The following EPHA7 variants were observed in gnomAD, a reference collection of about 807,000 sequenced individuals.
The protein encoded by EPHA7 is EPH receptor A7, also known as ephrin type-A receptor 7.
In EPHA7, 25 loss-of-function variants were observed where a neutral mutation model predicts 112.6. The observed-to-expected ratio is 0.22, with a 90% CI of 0.16 to 0.31. The LOEUF is 0.31. Ranked by LOEUF, EPHA7 falls within the 10% of genes least tolerant of loss-of-function variation. EPHA7 has a pLI of 1.00. For missense variants in EPHA7, 962 were observed against 1,212.6 expected, an observed-to-expected ratio of 0.79 and a Z score of 3.07; for synonymous variants, 437 against 406.5, an observed-to-expected ratio of 1.07 and a Z score of -0.90.
intron 5 of EPHA7, among the ~76,000 whole-genome samples, chr6:93,301,548 G>C (rs559400943): frequency 6.6e-6 from 1 of 151,928 alleles, no homozygotes; most frequent in Admixed American, 6.6e-5. Context: ...ATTTAATAGC[G>C]ATTTTTTTAC....
chr6:93,371,119 G>A (rs1329092918), intron 3 of EPHA7, among the ~76,000 whole-genome samples: 3 of 151,002 alleles, frequency 2.0e-5, no homozygotes, highest in Non-Finnish European at 4.4e-5. Context: ...AGCCCAGATC[G>A]CGCCACTGCA....
At chr6:93,401,864 ATAT>A (rs1212699701) in intron 3 of EPHA7, among the ~76,000 whole-genome samples, 1 of 152,006 alleles carries the variant, frequency 6.6e-6, no homozygotes, top group Non-Finnish European at 1.5e-5. Context: ...TCCCATGAAA[ATAT>A]TATTTCTATA....
chr6:93,255,680 CAA>C, intron 13 of EPHA7, 146 bp downstream of exon 13: 4 of 547,672 alleles, frequency 7.3e-6, no homozygotes, highest in Non-Finnish European at 9.0e-6. Flanking sequence ...TCCAGAAAAA[CAA>C]AAAACAAAAA....
rs764808723 is a variant in EPHA7, at chr6:93,328,308, T to C, written c.1324+28409A>G. ...TTTACACATTTAGTATATTTCTGTC[T>C]GTTCTACTTGCACTCCACTTCTACT... On this transcript the variant is annotated intron_variant, in intron 5 of 16. Coordinates refer to ENST00000369303, the MANE Select transcript of EPHA7 (RefSeq NM_004440.4). 4.0e-5 allele frequency among the ~76,000 whole-genome samples: 6 copies of C among 151,666 alleles called. No individual in the cohort carries two copies. In the East Asian group the frequency reaches 1.2e-3, roughly 29 times the overall value.
At chr6:93,334,029 C>T (rs1459509121) in intron 5 of EPHA7, among the ~76,000 whole-genome samples, 2 of 151,874 alleles carry the variant, frequency 1.3e-5, no homozygotes, top group Admixed American at 1.3e-4. Context: ...AACTATATTA[C>T]AATGCTATGG....
Position 93,297,950 on chromosome 6 carries a change from A to G in EPHA7, c.1325-25528T>C, listed in dbSNP as rs542425587. On this transcript the variant is annotated intron_variant, in intron 5 of 16. Transcript: ENST00000369303. Reference sequence around the variant, plus strand: ...AGACGGAATTATCCTTAGTTTGGGTAGAAACAAAAGTAGCCCTCAGTGCAG... The same window carrying G: ...AGACGGAATTATCCTTAGTTTGGGTGGAAACAAAAGTAGCCCTCAGTGCAG... Among the ~76,000 whole-genome samples, 3 of 152,314 alleles carry G rather than the reference A, an allele frequency of 2.0e-5. No homozygotes were observed. In the South Asian group the frequency reaches 6.2e-4, roughly 32 times the overall value.
intron 3 of EPHA7, among the ~76,000 whole-genome samples, chr6:93,366,368 C>T (rs754706760): frequency 6.0e-4 from 92 of 152,278 alleles, no homozygotes; most frequent in African/African-American, 2.0e-3. Flanking sequence ...TTAACTCTAA[C>T]GTGCTACAGA....
rs191903622 is a variant in EPHA7, at chr6:93,259,370, C to T, written c.1908G>A (p.Glu636=). The change falls in exon 10 of 17, where the codon GAG becomes GAA. Residue 636 remains glutamate (E), a synonymous_variant. Transcript: ENST00000369303. ...KELDASCIKI[E]RVIGAGEFGE... ...TAGCCTTACCTGCACCAATCACACG[C>T]TCAATTTTAATACAGGAGGCATCTA... 91 of 1,611,912 alleles carry T rather than the reference C, an allele frequency of 5.6e-5. 1 individual carries two copies. In the Middle Eastern group the frequency reaches 2.3e-3, roughly 41 times the overall value.
chr6:93,273,039 A>C (rs1322877343), intron 5 of EPHA7, among the ~76,000 whole-genome samples: 1 of 151,978 alleles, frequency 6.6e-6, no homozygotes. Flanking sequence ...ACATACATAC[A>C]CATGGACTCT....
chr6:93,357,740 GC>G (rs1220277859), intron 4 of EPHA7, among the ~76,000 whole-genome samples: 1 of 149,780 alleles, frequency 6.7e-6, no homozygotes, highest in Non-Finnish European at 1.5e-5. Context: ...TGCAACCTCC[GC>G]CTCCCAGGTT....
chr6:93,306,906 G>A (rs1008661902), intron 5 of EPHA7, among the ~76,000 whole-genome samples: 3 of 151,626 alleles, frequency 2.0e-5, no homozygotes, highest in African/African-American at 7.3e-5. Flanking sequence ...TTATGAAGAT[G>A]GATCAAATAA....
chr6:93,384,921 A>C (rs1201041502), intron 3 of EPHA7, among the ~76,000 whole-genome samples: 2 of 152,178 alleles, frequency 1.3e-5, no homozygotes, highest in Non-Finnish European at 2.9e-5. Flanking sequence ...AGAGATTTGG[A>C]ATATGAAATA....
At chr6:93,310,302 G>C (rs113927277) in intron 5 of EPHA7, among the ~76,000 whole-genome samples, 1 of 152,120 alleles carries the variant, frequency 6.6e-6, no homozygotes, top group East Asian at 1.9e-4. Flanking sequence ...ATAAGCAATG[G>C]AAAAATCCCC....
rs770497783 is a variant in EPHA7 at position 93,246,807 on chromosome 6, A to T, written c.2711T>A (p.Leu904Gln). The change falls in exon 15 of 17, where the codon CTG (leucine) becomes CAG (glutamine). Residue 904 changes from leucine to glutamine, a missense_variant. By Grantham distance (113) the Leu-to-Gln change is moderately radical. This residue lies in a region of EPHA7 where 746 missense variants were observed against 889.2 expected (regional missense o/e 0.84). Coordinates refer to ENST00000369303, the MANE Select transcript of EPHA7 (RefSeq NM_004440.4). ...IRNPNSLKTP[L>Q]GTCSRPISPL... ...CATTTCTTACCTACTACAAGTTCCC[A>T]GGGGAGTTTTCAGACTATTTGGGTT... The T allele has an allele frequency of 1.2e-6, 2 of 1,607,212 alleles. No homozygotes were observed. Among genetic ancestry groups the T allele is most frequent in the Non-Finnish European group, 1.7e-6 (2 of 1,174,092 alleles).
At chr6:93,417,007 AG>A (rs1779268370) in intron 1 of EPHA7, among the ~76,000 whole-genome samples, 1 of 150,954 alleles carries the variant, frequency 6.6e-6, no homozygotes, top group East Asian at 1.9e-4. Context: ...AGTCGGGAAG[AG>A]GAGAGTGGCT....
At chr6:93,381,279 A>G (rs908668713) in intron 3 of EPHA7, among the ~76,000 whole-genome samples, 2 of 152,302 alleles carry the variant, frequency 1.3e-5, no homozygotes, top group African/African-American at 4.8e-5. Context: ...AATAAAATTT[A>G]TTATTTTAAG....
At chr6:93,313,207 A>G (rs1366159699) in intron 5 of EPHA7, among the ~76,000 whole-genome samples, 1 of 152,190 alleles carries the variant, frequency 6.6e-6, no homozygotes, top group Non-Finnish European at 1.5e-5. Context: ...ACAGAATAAA[A>G]CCAGGTATGT....
chr6:93,319,076 G>A (rs1028371184), intron 5 of EPHA7, among the ~76,000 whole-genome samples: 42 of 152,066 alleles, frequency 2.8e-4, no homozygotes, highest in African/African-American at 8.9e-4. Flanking sequence ...TCTTATAAGC[G>A]TTTAGGAAGT....
intron 3 of EPHA7, among the ~76,000 whole-genome samples, chr6:93,375,624 C>A (rs1777020008): frequency 6.7e-6 from 1 of 149,676 alleles, no homozygotes; most frequent in Non-Finnish European, 1.5e-5. Flanking sequence ...GATTTGGAAG[C>A]CTGAATTAAA....
Sources: allele counts gnomAD v4.1 joint callset (sites outside exome capture counted in the v4.1 genomes callset), GRCh38; gene constraint gnomAD v4.1.1; regional missense constraint gnomAD v4.1.1; transcripts MANE v1.5; gene names NCBI Gene and HGNC (gene_info 2026-07-23, HGNC 2026-07-21).